SMIM13: variants seen among roughly 807,000 people sequenced by gnomAD.
The protein encoded by SMIM13 is UPF0766 protein C6orf228.
In SMIM13, 3 loss-of-function variants were observed where a neutral mutation model predicts 5.9. The observed-to-expected ratio is 0.51, with a 90% CI of 0.23 to 1.31. SMIM13 has a LOEUF of 1.31. Ranked by LOEUF, SMIM13 falls within the 40% of genes most tolerant of loss-of-function variation. The probability of loss-of-function intolerance (pLI) is 0.18; values close to 1 mark genes in which losing one functional copy is unlikely to be tolerated. For missense variants in SMIM13, 85 were observed against 109.9 expected (o/e 0.77, Z 1.01); for synonymous variants, 55 against 46.0 (o/e 1.19, Z -0.79).
intron 1 of SMIM13, among the ~76,000 whole-genome samples, chr6:11,107,488 C>G (rs1758104184): frequency 6.6e-6 from 1 of 152,182 alleles, no homozygotes; most frequent in African/African-American, 2.4e-5. Flanking sequence ...CAGGGCTTGC[C>G]CAGACCAATG....
At chr6:11,122,289 T>G (rs1203453483) in intron 1 of SMIM13, among the ~76,000 whole-genome samples, 1 of 152,216 alleles carries the variant, frequency 6.6e-6, no homozygotes, top group East Asian at 1.9e-4. Flanking sequence ...TTATGAAAGG[T>G]GCAGTGTGAT....
chr6:11,112,041 C>G (rs534434411), intron 1 of SMIM13, among the ~76,000 whole-genome samples: 1 of 152,160 alleles, frequency 6.6e-6, no homozygotes, highest in Non-Finnish European at 1.5e-5. Flanking sequence ...CACCAGCTTC[C>G]GGTGTTTCCT....
chr6:11,134,532 C>A lies in SMIM13; in HGVS notation c.206C>A (p.Ser69Tyr). 6.4e-7 allele frequency: 1 copy of A among 1,551,018 alleles called. No homozygotes were observed. The highest frequency in any genetic ancestry group is 8.7e-7 in the Non-Finnish European group (1 of 1,146,556). ...GAAACTGAAGAAGACACTTCCTCCT[C>A]TCCACACAGAATCAGATCCGCTCGC... The part of the protein sequence containing the change: ...GSETEEDTSS[S>Y]PHRIRSARQR... Residue 69 changes from serine (S) to tyrosine (Y), a missense_variant, in exon 2 of 2, where the codon TCT (serine) becomes TAT (tyrosine). By Grantham distance (144) the Ser-to-Tyr change is moderately radical. Transcript: ENST00000416247.
At chr6:11,120,386 C>T (rs1362250003) in intron 1 of SMIM13, among the ~76,000 whole-genome samples, 4 of 152,180 alleles carry the variant, frequency 2.6e-5, no homozygotes, top group Non-Finnish European at 5.9e-5. Context: ...TGAGGGCCTG[C>T]TTCCTGGTTC....
chr6:11,097,752 AC>A (rs1333125701), intron 1 of SMIM13, among the ~76,000 whole-genome samples: 2 of 152,076 alleles, frequency 1.3e-5, no homozygotes, highest in Non-Finnish European at 2.9e-5. Context: ...TGGATGGCAC[AC>A]GATTCACTCT....
chr6:11,132,216 G>C (rs545535493), intron 1 of SMIM13, among the ~76,000 whole-genome samples: 1 of 152,112 alleles, frequency 6.6e-6, no homozygotes, highest in Admixed American at 6.6e-5. Context: ...TCAAAGCTTC[G>C]TGATATACCA....
chr6:11,118,431 A>G (rs536818097), intron 1 of SMIM13, among the ~76,000 whole-genome samples: 100 of 152,316 alleles, frequency 6.6e-4, no homozygotes, highest in South Asian at 4.6e-3. Context: ...TGGGGTTGGG[A>G]CAGGGAGAAT....
At position 11,136,433 on chromosome 6, in the gene SMIM13, T is replaced by A. The variant is rs1353298674; in HGVS notation, c.*1831T>A. 2 of 152,234 alleles carry A rather than the reference T, an allele frequency of 1.3e-5. No homozygotes were observed. The highest frequency in any genetic ancestry group is 2.9e-5 in the Non-Finnish European group (2 of 68,040). The allele number at this position is 152,234 out of a possible 1,614,324, so 9.4% of individuals were successfully genotyped here. A position where few individuals can be genotyped will look rare whatever the true frequency, so the allele number is the denominator to read the frequency against. On this transcript the variant is annotated 3_prime_UTR_variant, in exon 2 of 2. Transcript: ENST00000416247. Reference sequence around the variant, plus strand: ...TTCTTTTTATGTTTTTCTTAACCTTTATTAAGGACTAGTCATCACAAAATA... The same window carrying A: ...TTCTTTTTATGTTTTTCTTAACCTTAATTAAGGACTAGTCATCACAAAATA...
intron 1 of SMIM13, among the ~76,000 whole-genome samples, chr6:11,125,142 G>GA (rs1561759228): frequency 6.6e-6 from 1 of 151,412 alleles, no homozygotes; most frequent in East Asian, 1.9e-4. Context: ...GCTGGGCATG[G>GA]TGGTGTGCGC....
chr6:11,116,008 C>CTTT (rs35527082), intron 1 of SMIM13, among the ~76,000 whole-genome samples: 14 of 78,528 alleles, frequency 1.8e-4, no homozygotes, highest in East Asian at 9.5e-4. Flanking sequence ...CTTCCTTCCT[C>CTTT]TTTTTTTTTT....
chr6:11,128,520 C>A (rs751154577), intron 1 of SMIM13, among the ~76,000 whole-genome samples: 1 of 152,140 alleles, frequency 6.6e-6, no homozygotes, highest in Non-Finnish European at 1.5e-5. Flanking sequence ...CCTTTGGTTG[C>A]CCCAGGTGGT....
rs1758286016 is a variant in SMIM13 at position 11,119,650 on chromosome 6, T to C, written c.77-14753T>C. ...GCCTGGACGACAGAGCGAGACTCCA[T>C]CTCCAAAAAAACAGAAAATTTGGTC... On this transcript the variant is annotated intron_variant, in intron 1 of 1. Coordinates refer to ENST00000416247, the MANE Select transcript of SMIM13 (RefSeq NM_001135575.2). Among the ~76,000 whole-genome samples, 7 of 137,022 alleles carry C rather than the reference T, an allele frequency of 5.1e-5. No homozygotes were observed. In the Admixed American group the frequency reaches 5.3e-4, roughly 10 times the overall value. The allele number at this position is 137,022 out of a possible 152,430, so 89.9% of individuals were successfully genotyped here.
chr6:11,132,240 G>A (rs930216076), intron 1 of SMIM13, among the ~76,000 whole-genome samples: 15 of 152,090 alleles, frequency 9.9e-5, no homozygotes, highest in African/African-American at 3.6e-4. Flanking sequence ...TGCCTGCTAG[G>A]AGTCCTGTAA....
chr6:11,106,888 C>G (rs995162431), intron 1 of SMIM13, among the ~76,000 whole-genome samples: 1 of 152,206 alleles, frequency 6.6e-6, no homozygotes, highest in Non-Finnish European at 1.5e-5. Context: ...TAGGTACACC[C>G]TCTCCTTCCA....
At chr6:11,099,071 A>T (rs1038862060) in intron 1 of SMIM13, among the ~76,000 whole-genome samples, 3 of 152,058 alleles carry the variant, frequency 2.0e-5, no homozygotes, top group African/African-American at 7.2e-5. Flanking sequence ...TTTACTCCCC[A>T]AGGTCTCCTA....
At chr6:11,115,953 C>T (rs1250130331) in intron 1 of SMIM13, among the ~76,000 whole-genome samples, 1 of 149,022 alleles carries the variant, frequency 6.7e-6, no homozygotes, top group Admixed American at 6.7e-5. Flanking sequence ...TCCCAAAGTG[C>T]TGGGATTACG....
chr6:11,122,694 G>A (rs561151067), intron 1 of SMIM13, among the ~76,000 whole-genome samples: 4 of 152,318 alleles, frequency 2.6e-5, no homozygotes, highest in African/African-American at 9.6e-5. Flanking sequence ...TCAAAGGTCA[G>A]GCCTGTGTTT....
intron 1 of SMIM13, among the ~76,000 whole-genome samples, chr6:11,127,668 C>T (rs970301154): frequency 1.3e-5 from 2 of 152,192 alleles, no homozygotes; most frequent in African/African-American, 4.8e-5. Context: ...CTGATAAAAC[C>T]ATCAGATCTC....
intron 1 of SMIM13, among the ~76,000 whole-genome samples, chr6:11,124,534 T>A (rs904720976): frequency 6.6e-6 from 1 of 152,226 alleles, no homozygotes; most frequent in Non-Finnish European, 1.5e-5. Flanking sequence ...GCAGTGGGAT[T>A]GCTGGATCAT....
Sources: allele counts gnomAD v4.1 joint callset (sites outside exome capture counted in the v4.1 genomes callset), GRCh38; gene constraint gnomAD v4.1.1; transcripts MANE v1.5; gene names NCBI Gene and HGNC (gene_info 2026-07-23, HGNC 2026-07-21).